The following MACO1 variants were observed in gnomAD, a reference collection of about 807,000 sequenced individuals.
MACO1 encodes the protein macoilin.
Under a neutral mutation model 78.7 loss-of-function variants are expected in MACO1, and 14 were observed. The observed-to-expected ratio is 0.18, with a 90% CI of 0.12 to 0.28. The LOEUF (loss-of-function observed/expected upper bound fraction) is 0.28. MACO1 is among the 10% of genes least tolerant of loss of function. The pLI, the probability that MACO1 is intolerant of heterozygous loss-of-function variation, is 1.00. For missense variants in MACO1, 501 were observed against 799.0 expected (o/e 0.63, Z 4.50); for synonymous variants, 288 against 291.6 (o/e 0.99, Z 0.12).
intron 6 of MACO1, among the ~76,000 whole-genome samples, chr1:25,464,338 C>CTT (rs71014363): frequency 7.7e-3 from 626 of 80,988 alleles, no homozygotes; most frequent in African/African-American, 0.018. Context: ...TTTTTCTTCT[C>CTT]TTTTTTTTTT....
At chr1:25,473,877 A>G (rs1557670801) in intron 6 of MACO1, among the ~76,000 whole-genome samples, 2 of 152,102 alleles carry the variant, frequency 1.3e-5, no homozygotes, top group South Asian at 4.1e-4. Flanking sequence ...TAGAATGACA[A>G]CTCTCCTCTA....
chr1:25,473,342 G>C (rs1385736196), intron 6 of MACO1, among the ~76,000 whole-genome samples: 2 of 152,064 alleles, frequency 1.3e-5, no homozygotes, highest in African/African-American at 4.8e-5. Flanking sequence ...TGGCATTTTA[G>C]AAACTAGGCA....
chr1:25,497,579 C>T (rs937282891), intron 10 of MACO1, among the ~76,000 whole-genome samples: 1 of 152,090 alleles, frequency 6.6e-6, no homozygotes, highest in African/African-American at 2.4e-5. Flanking sequence ...GTAGTGAGGG[C>T]AAGTGTGCTG....
intron 4 of MACO1, among the ~76,000 whole-genome samples, chr1:25,455,695 A>ATATCGATATT: frequency 6.6e-6 from 1 of 152,306 alleles, no homozygotes; most frequent in Non-Finnish European, 1.5e-5. Flanking sequence ...TGGTGATACA[A>ATATCGATATT]ACCAAATCTT....
chr1:25,444,642 A>G (rs984562250), intron 1 of MACO1, among the ~76,000 whole-genome samples: 40 of 152,088 alleles, frequency 2.6e-4, no homozygotes, highest in African/African-American at 9.7e-4. Context: ...GCTGGAGTGC[A>G]GTGGCACAGT....
intron 6 of MACO1, among the ~76,000 whole-genome samples, chr1:25,481,394 A>G (rs1484535520): frequency 6.6e-6 from 1 of 152,146 alleles, no homozygotes; most frequent in African/African-American, 2.4e-5. Context: ...AGATGAGGAA[A>G]CTGAGGCCTG....
intron 6 of MACO1, among the ~76,000 whole-genome samples, chr1:25,473,919 G>A (rs958133131): frequency 6.6e-6 from 1 of 152,176 alleles, no homozygotes; most frequent in African/African-American, 2.4e-5. Context: ...TCTTGTTAGA[G>A]TGTTCCAATA....
chr1:25,465,808 CTG>C (rs1288791837), intron 6 of MACO1, among the ~76,000 whole-genome samples: 1 of 152,232 alleles, frequency 6.6e-6, no homozygotes, highest in Non-Finnish European at 1.5e-5. Context: ...TCATTCAACT[CTG>C]TGTCCATGTG....
intron 1 of MACO1, among the ~76,000 whole-genome samples, chr1:25,437,316 T>C (rs2042927832): frequency 6.7e-6 from 1 of 148,644 alleles, no homozygotes; most frequent in African/African-American, 2.5e-5. Flanking sequence ...TTTTTTTTTT[T>C]TTTTTGCGTT....
intron 1 of MACO1, among the ~76,000 whole-genome samples, chr1:25,439,974 T>C (rs9438909): frequency 0.57 from 85,172 of 149,728 alleles, 25,117 homozygotes; most frequent in African/African-American, 0.71. Context: ...GCCGAGATCG[T>C]ACCATTGCAT....
At chr1:25,490,851 T>A (rs1048226330) in intron 9 of MACO1, among the ~76,000 whole-genome samples, 1 of 152,160 alleles carries the variant, frequency 6.6e-6, no homozygotes, top group Non-Finnish European at 1.5e-5. Flanking sequence ...AATATTAAAT[T>A]TTTTAGTGTT....
intron 9 of MACO1, 150 bp from the exon 10 acceptor site, chr1:25,491,260 T>A: frequency 1.1e-6 from 1 of 918,642 alleles, no homozygotes; most frequent in Non-Finnish European, 1.6e-6. Context: ...ATAAACACAT[T>A]TAGCACTTGC....
At chr1:25,461,779 A>T (rs1268063846) in intron 6 of MACO1, among the ~76,000 whole-genome samples, 1 of 152,248 alleles carries the variant, frequency 6.6e-6, no homozygotes, top group African/African-American at 2.4e-5. Flanking sequence ...TTTTTCTAAT[A>T]TACATAGAAA....
In MACO1 at chr1:25,458,851, T is replaced by C. The variant is rs748436903; in HGVS notation, c.1113T>C (p.Cys371=). The C allele has an allele frequency of 6.2e-6, 10 of 1,614,100 alleles. No homozygotes were observed. The South Asian group carries it at 9.9e-5, about 16-fold the overall frequency. ...CACACAAGGACTTAATGGAAAACTG[T>C]ATTCCTAATAACCAGCTAAGCAAAC... is the stretch of plus-strand genomic sequence containing the variant. ...PSTHKDLMEN[C]IPNNQLSKPD... Residue 371 remains cysteine (C), a synonymous_variant, in exon 6 of 11, where the codon TGT becomes TGC. Coordinates refer to ENST00000374343, the MANE Select transcript of MACO1 (RefSeq NM_018202.6).
intron 1 of MACO1, among the ~76,000 whole-genome samples, chr1:25,434,995 T>A (rs185653769): frequency 6.6e-6 from 1 of 152,302 alleles, no homozygotes; most frequent in African/African-American, 2.4e-5. Flanking sequence ...ACTGACTTTA[T>A]AATATAAAAA....
chr1:25,431,982 G>A (rs1283786094), intron 1 of MACO1, among the ~76,000 whole-genome samples: 4 of 151,822 alleles, frequency 2.6e-5, no homozygotes, highest in African/African-American at 4.8e-5. Context: ...CAGTCCACCG[G>A]TAGAGAAAGA....
intron 10 of MACO1, among the ~76,000 whole-genome samples, chr1:25,492,110 C>T (rs1055459238): frequency 1.1e-4 from 16 of 152,096 alleles, no homozygotes; most frequent in African/African-American, 3.6e-4. Context: ...TGATGTGTTC[C>T]AAGCTGCAGC....
chr1:25,462,986 C>T (rs1486310323), intron 6 of MACO1, among the ~76,000 whole-genome samples: 2 of 152,196 alleles, frequency 1.3e-5, no homozygotes, highest in Non-Finnish European at 2.9e-5. Flanking sequence ...TTTCGTGCTA[C>T]AGTGGCAGGG....
intron 7 of MACO1, among the ~76,000 whole-genome samples, chr1:25,484,976 T>G (rs1286438388): frequency 2.0e-5 from 3 of 152,186 alleles, no homozygotes; most frequent in Non-Finnish European, 4.4e-5. Flanking sequence ...GTTCTAGCAT[T>G]GATATGTAGA....
Sources: allele counts gnomAD v4.1 joint callset (sites outside exome capture counted in the v4.1 genomes callset), GRCh38; gene constraint gnomAD v4.1.1; transcripts MANE v1.5; gene names NCBI Gene and HGNC (gene_info 2026-07-23, HGNC 2026-07-21).